The following PLCH1 variants were observed in gnomAD, a reference collection of about 807,000 sequenced individuals.
PLCH1 encodes the protein 1-phosphatidylinositol 4,5-bisphosphate phosphodiesterase eta-1.
A neutral mutation model predicts 126.7 loss-of-function variants in PLCH1; 60 were observed. The observed-to-expected ratio is 0.47, with a 90% CI of 0.38 to 0.59. The LOEUF is 0.59. PLCH1 is among the 20% of genes least tolerant of loss of function. The probability of loss-of-function intolerance (pLI) is 0.00; values close to 1 mark genes in which losing one functional copy is unlikely to be tolerated. For synonymous variants in PLCH1, 719 were observed against 734.9 expected (o/e 0.98, Z 0.35); for missense variants, 1,723 against 2,040.0 (o/e 0.84, Z 2.99).
chr3:155,541,416 A>T (rs595076), intron 10 of PLCH1, among the ~76,000 whole-genome samples: 2 of 152,060 alleles, frequency 1.3e-5, no homozygotes, highest in African/African-American at 4.8e-5. Flanking sequence ...AGTAAGAGAC[A>T]TGTGAGTTGC....
intron 2 of PLCH1, among the ~76,000 whole-genome samples, chr3:155,664,291 A>T (rs578121609): frequency 6.6e-6 from 1 of 152,352 alleles, no homozygotes; most frequent in South Asian, 2.1e-4. Context: ...ATTACCTTCC[A>T]GCTGCATAAT....
rs1469931724 is a variant in PLCH1 at position 155,745,036 on chromosome 3, A to G, written c.-237T>C. 1.3e-5 allele frequency: 2 copies of G among 152,624 alleles called. No homozygotes were observed. The highest frequency in any genetic ancestry group is 2.9e-5 in the Non-Finnish European group (2 of 68,428). 9.5% of individuals were successfully genotyped at this position (152,624 alleles called of 1,614,324 possible). On this transcript the variant is annotated 5_prime_UTR_variant, in exon 1 of 23. Transcript: ENST00000460012. ...CAGAAGCCCCAGACGAGCGGGGAAGAGCAGGGCGCCGCCGCCACAACCTGC... is the reference window on the plus strand; with the variant it reads ...CAGAAGCCCCAGACGAGCGGGGAAGGGCAGGGCGCCGCCGCCACAACCTGC...
intron 1 of PLCH1, among the ~76,000 whole-genome samples, chr3:155,740,342 T>C (rs550457539): frequency 5.5e-5 from 8 of 145,868 alleles, no homozygotes; most frequent in Admixed American, 1.4e-4. Context: ...ACCCAGGAGG[T>C]AGAGGTTGCA....
intron 18 of PLCH1, among the ~76,000 whole-genome samples, chr3:155,491,071 T>C (rs371548706): frequency 1.3e-5 from 2 of 152,324 alleles, no homozygotes; most frequent in East Asian, 3.9e-4. Context: ...TGTTTGCTAG[T>C]ATTTATTAAC....
chr3:155,452,496 A>T (rs4680181), intron 21 of PLCH1, among the ~76,000 whole-genome samples: 59,814 of 151,950 alleles, frequency 0.39, 14,957 homozygotes, highest in African/African-American at 0.71. Context: ...TAGAATTGAG[A>T]GTCTAATCTG....
At chr3:155,660,246 A>G (rs1741970903) in intron 2 of PLCH1, among the ~76,000 whole-genome samples, 1 of 152,192 alleles carries the variant, frequency 6.6e-6, no homozygotes, top group African/African-American at 2.4e-5. Flanking sequence ...TGGATATAAC[A>G]TCTTTTGGGA....
intron 10 of PLCH1, among the ~76,000 whole-genome samples, chr3:155,529,829 C>T (rs1280343696): frequency 4.6e-5 from 7 of 152,138 alleles, no homozygotes; most frequent in Admixed American, 6.5e-5. Context: ...TGCAATGGCA[C>T]GACCTCGGCT....
At chr3:155,693,470 T>TAA (rs1745563083) in intron 2 of PLCH1, among the ~76,000 whole-genome samples, 1 of 11,840 alleles carries the variant, frequency 8.4e-5, no homozygotes, top group Non-Finnish European at 1.1e-4. Flanking sequence ...AGACTCCGTC[T>TAA]CAAAAAAAAA....
chr3:155,474,196 C>A (rs1484104344), intron 21 of PLCH1, among the ~76,000 whole-genome samples: 2 of 151,092 alleles, frequency 1.3e-5, no homozygotes, highest in African/African-American at 2.4e-5. Flanking sequence ...GGGCTAATAT[C>A]CAGAATCTAC....
At chr3:155,555,341 G>A (rs1425899897) in intron 8 of PLCH1, among the ~76,000 whole-genome samples, 2 of 152,134 alleles carry the variant, frequency 1.3e-5, no homozygotes, top group Admixed American at 6.5e-5. Flanking sequence ...CAGAAAGTAT[G>A]TGCACCACTT....
At chr3:155,629,480 T>G (rs1051352452) in intron 2 of PLCH1, among the ~76,000 whole-genome samples, 3 of 152,190 alleles carry the variant, frequency 2.0e-5, no homozygotes, top group African/African-American at 7.2e-5. Context: ...CACATAAATC[T>G]TAAACCTGCT....
At chr3:155,465,253 A>C (rs1248346023) in intron 21 of PLCH1, among the ~76,000 whole-genome samples, 1 of 152,198 alleles carries the variant, frequency 6.6e-6, no homozygotes, top group East Asian at 1.9e-4. Context: ...ATAAAGGAGA[A>C]GGAAGAGTGG....
At chr3:155,514,972 T>C in intron 11 of PLCH1, 88 bp from the exon 12 acceptor site, 2 of 788,790 alleles carry the variant, frequency 2.5e-6, no homozygotes, top group Non-Finnish European at 3.7e-6. Flanking sequence ...ATTGCTTCTA[T>C]AATTTCACTT....
At chr3:155,694,670 GACAA>G (rs1745663215) in intron 2 of PLCH1, among the ~76,000 whole-genome samples, 3 of 152,256 alleles carry the variant, frequency 2.0e-5, no homozygotes, top group South Asian at 4.1e-4. Context: ...CACATATGCT[GACAA>G]ACAGACAAAA....
chr3:155,687,063 C>G (rs1347713031), intron 2 of PLCH1, among the ~76,000 whole-genome samples: 1 of 152,026 alleles, frequency 6.6e-6, no homozygotes, highest in Non-Finnish European at 1.5e-5. Context: ...GTTTTGGCTG[C>G]CAAAATTCTT....
chr3:155,540,107 C>T (rs1403559500), intron 10 of PLCH1, among the ~76,000 whole-genome samples: 2 of 152,142 alleles, frequency 1.3e-5, no homozygotes, highest in African/African-American at 4.8e-5. Flanking sequence ...GTGAACTGAT[C>T]TTTGACAAAG....
At position 155,723,787 on chromosome 3, in the gene PLCH1, C is replaced by T. The variant is rs149923512; in HGVS notation, c.-40-19523G>A. Among the ~76,000 whole-genome samples, 1,303 of 151,962 alleles carry T rather than the reference C, an allele frequency of 8.6e-3. 19 individuals carry two copies. Among genetic ancestry groups the T allele is most frequent in the African/African-American group, 0.03 (1,248 of 41,426 alleles). ...TGGCCAACATGGTGAAACCCTGGCT[C>T]TACTAAAAACACAAAAATTAGCTGG... On this transcript the variant is annotated intron_variant, in intron 1 of 22. Transcript: ENST00000460012.
rs1388212202 is a variant in PLCH1, at chr3:155,481,004, A to T, written c.5022T>A (p.Asp1674Glu). 7.5e-6 allele frequency: 12 copies of T among 1,595,650 alleles called. No homozygotes were observed. The Admixed American group carries it at 2.1e-4, about 27-fold the overall frequency. The part of the protein sequence containing the change: ...NSVLQTEPSS[D>E]DKPEIYFLLR... ...AAAGAAAATAAATTTCTGGTTTATCATCACTGCTTGGCTCAGTCTGCAAAA... is the reference window on the plus strand; with the variant it reads ...AAAGAAAATAAATTTCTGGTTTATCTTCACTGCTTGGCTCAGTCTGCAAAA... Residue 1674 changes from aspartate to glutamate, a missense_variant, in exon 23 of 23, where the codon GAT becomes GAA. Physicochemically the swap from Asp to Glu is conservative, Grantham distance 45. Transcript: ENST00000460012. This position sits in a 1 kb window ranked among gnomAD's most constrained non-coding sequence, Gnocchi z 4.2.
rs558764351 is a variant in PLCH1 at position 155,550,733 on chromosome 3, T to G, written c.1191-775A>C. 3.6e-3 allele frequency among the ~76,000 whole-genome samples: 542 copies of G among 152,350 alleles called. 2 individuals carry two copies. The highest frequency in any genetic ancestry group is 5.0e-3 in the Non-Finnish European group (339 of 68,032). On this transcript the variant is annotated intron_variant, in intron 9 of 22. Transcript: ENST00000460012. The stretch of plus-strand genomic sequence containing the variant: ...TTCAAATTCAGGTTCATTGACTTTT[T>G]TCTAGTTTTCCGTTACATGTCTTCA...
Sources: gnomAD v4.1 joint callset for allele counts (sites outside exome capture counted in the v4.1 genomes callset) on GRCh38, gnomAD v4.1.1 for gene constraint, Gnocchi (gnomAD v3.1) non-coding constraint, MANE v1.5 for transcripts, NCBI Gene and HGNC (gene_info 2026-07-23, HGNC 2026-07-21) for gene names.